FAM20A: variants seen among roughly 807,000 people sequenced by gnomAD.
The protein encoded by FAM20A is pseudokinase FAM20A.
A neutral mutation model predicts 52.0 loss-of-function variants in FAM20A; 42 were observed. The ratio of observed to expected loss-of-function variants is 0.81; its 90% CI spans 0.63 to 1.04. The LOEUF (loss-of-function observed/expected upper bound fraction) is 1.04. Among genes scored for constraint, FAM20A ranks in the 50% least tolerant of loss-of-function variants. FAM20A has a pLI of 0.00. For synonymous variants in FAM20A, 304 were observed against 298.9 expected, an observed-to-expected ratio of 1.02 and a Z score of -0.18; for missense variants, 742 against 712.7, an observed-to-expected ratio of 1.04 and a Z score of -0.47.
At chr17:68,539,523 G>A in intron 9 of FAM20A, 127 bp from the exon 10 acceptor site, 1 of 808,038 alleles carries the variant, frequency 1.2e-6, no homozygotes, top group South Asian at 1.4e-5. Context: ...CATGGCAGCT[G>A]CCTCTCCAGC....
intron 1 of FAM20A, among the ~76,000 whole-genome samples, chr17:68,560,220 C>G (rs1598034344): frequency 6.6e-6 from 1 of 152,246 alleles, no homozygotes. Flanking sequence ...TGACATGCAC[C>G]TGCAGTCCCA....
chr17:68,599,877 C>G (rs1004175291), intron 1 of FAM20A, among the ~76,000 whole-genome samples: 1 of 152,146 alleles, frequency 6.6e-6, no homozygotes, highest in Non-Finnish European at 1.5e-5. Context: ...TTCTGGAAAC[C>G]CGAAGTCCAG....
At chr17:68,562,621 T>A (rs538135894) in intron 1 of FAM20A, among the ~76,000 whole-genome samples, 1 of 136,496 alleles carries the variant, frequency 7.3e-6, no homozygotes, top group Non-Finnish European at 1.5e-5. Context: ...TCCCCCCCCC[T>A]TTTTATTTTA....
intron 1 of FAM20A, among the ~76,000 whole-genome samples, chr17:68,595,125 AG>A (rs2088417785): frequency 6.6e-6 from 1 of 152,260 alleles, no homozygotes; most frequent in African/African-American, 2.4e-5. Context: ...TTTAGGTAGG[AG>A]CATTTGCATG....
intron 1 of FAM20A, among the ~76,000 whole-genome samples, chr17:68,591,559 TATA>T (rs2088309035): frequency 6.6e-6 from 1 of 152,214 alleles, no homozygotes; most frequent in Non-Finnish European, 1.5e-5. Context: ...ACTTAAAAAA[TATA>T]ATGACTTATT....
Position 68,537,544 on chromosome 17 carries a change from C to T in FAM20A, c.1559G>A (p.Ser520Asn). Residue 520 changes from serine to asparagine, a missense_variant, in exon 11 of 11, where the codon AGT becomes AAT. Coordinates refer to ENST00000592554, the MANE Select transcript of FAM20A (RefSeq NM_017565.4). This position sits in a 1 kb window ranked among gnomAD's most constrained non-coding sequence, Gnocchi z 4.2. ...TTCCACTGGGCCGTCGACTATGACA[C>T]TCTGCTGTCCATGGGCCACTATGCA... ...EGCIVAHGQQ[S>N]VIVDGPVEQL... is the part of the protein sequence containing the mutation. 6.2e-7 allele frequency: 1 copy of T among 1,613,710 alleles called. No individual in the cohort carries two copies. The highest frequency in any genetic ancestry group is 8.5e-7 in the Non-Finnish European group (1 of 1,179,794).
chr17:68,564,761 C>T (rs928031180), intron 1 of FAM20A, among the ~76,000 whole-genome samples: 5 of 152,094 alleles, frequency 3.3e-5, no homozygotes, highest in African/African-American at 4.8e-5. Context: ...GTGGCCTAAA[C>T]GGGAGCCTGG....
chr17:68,537,848 C>G lies in FAM20A; in HGVS notation c.1362-107G>C. On this transcript the variant is annotated intron_variant, in intron 10 of 10. Coordinates refer to ENST00000592554, the MANE Select transcript of FAM20A (RefSeq NM_017565.4). This position sits in a 1 kb window ranked among gnomAD's most constrained non-coding sequence, Gnocchi z 4.2. ...GTTGTAGCTGATACTCTTGGCGCCT[C>G]TCCTTGTGTCTTCTCAGGCACATTT... The G allele has an allele frequency of 1.6e-6, 2 of 1,238,148 alleles. No individual in the cohort carries two copies. The highest frequency in any genetic ancestry group is 1.3e-5 in the South Asian group (1 of 77,064). 76.7% of individuals were successfully genotyped at this position (1,238,148 alleles called of 1,614,324 possible). A position where few individuals can be genotyped will look rare whatever the true frequency, so the allele number is the denominator to read the frequency against.
chr17:68,588,996 C>T (rs1181056181), intron 1 of FAM20A, among the ~76,000 whole-genome samples: 3 of 152,178 alleles, frequency 2.0e-5, no homozygotes, highest in African/African-American at 7.2e-5. Flanking sequence ...GTTGTGTAGA[C>T]CACTTTCTCT....
Position 68,600,600 on chromosome 17 carries a change from G to C in FAM20A, c.67C>G (p.Leu23Val). Residue 23 changes from leucine to valine, a missense_variant, in exon 1 of 11, where the codon CTC becomes GTC. Coordinates refer to ENST00000592554, the MANE Select transcript of FAM20A (RefSeq NM_017565.4). The surrounding 1 kb of genome is among the most constrained non-coding windows in gnomAD (Gnocchi z 6.2). ...LLLGALLSAD[L>V]YFHLWPQVQR... ...ACTTGGGGCCAGAGGTGGAAGTAGA[G>C]GTCGGCGGAGAGCAGCGCGCCCAGC... 1.3e-6 allele frequency: 2 copies of C among 1,563,580 alleles called. No individual in the cohort carries two copies. The highest frequency in any genetic ancestry group is 2.7e-5 in the African/African-American group (2 of 74,176).
chr17:68,546,774 G>C (rs1177958400), intron 4 of FAM20A, among the ~76,000 whole-genome samples: 1 of 148,462 alleles, frequency 6.7e-6, no homozygotes, highest in African/African-American at 2.5e-5. Context: ...AGCTTGCAGT[G>C]AGCTGAGATT....
chr17:68,555,862 A>T, intron 1 of FAM20A, 119 bp from the exon 2 acceptor site: 1 of 1,188,648 alleles, frequency 8.4e-7, no homozygotes, highest in Non-Finnish European at 1.2e-6. Context: ...TAAGCATCTA[A>T]TGAGGGCTAG....
Position 68,600,216 on chromosome 17 carries a change from C to T in FAM20A, c.404+47G>A, listed in dbSNP as rs979300695. ...AACTCGAGACTGGGGCGCGGGGAGGCCCCGGCCAGAGCGCCCGCTCTCCCG... is the reference window on the plus strand; with the variant it reads ...AACTCGAGACTGGGGCGCGGGGAGGTCCCGGCCAGAGCGCCCGCTCTCCCG... On this transcript the variant is annotated intron_variant, in intron 1 of 10. Transcript: ENST00000592554. This position sits in a 1 kb window ranked among gnomAD's most constrained non-coding sequence, Gnocchi z 6.2. 6.5e-7 allele frequency: 1 copy of T among 1,542,428 alleles called. No homozygotes were observed.
chr17:68,557,071 A>G (rs562447344), intron 1 of FAM20A, among the ~76,000 whole-genome samples: 1 of 152,146 alleles, frequency 6.6e-6, no homozygotes, highest in East Asian at 1.9e-4. Context: ...ATGATGGTGC[A>G]CACCTGTAAT....
At chr17:68,555,778 A>C (rs2087035100) in intron 1 of FAM20A, 35 bp from the exon 2 acceptor site, 1 of 1,610,478 alleles carries the variant, frequency 6.2e-7, no homozygotes, top group African/African-American at 1.3e-5. Context: ...TTAGAGGAAC[A>C]AGAATGCAAA....
intron 1 of FAM20A, among the ~76,000 whole-genome samples, chr17:68,575,863 C>T (rs1246258106): frequency 3.5e-5 from 5 of 142,836 alleles, no homozygotes; most frequent in South Asian, 4.4e-4. Context: ...CAGCTGCCAC[C>T]GGGCAGGGCG....
At chr17:68,545,792 G>A (rs1236027574) in intron 4 of FAM20A, among the ~76,000 whole-genome samples, 1 of 152,116 alleles carries the variant, frequency 6.6e-6, no homozygotes, top group African/African-American at 2.4e-5. Context: ...AATCCTCTGT[G>A]GCCATCTCAA....
intron 5 of FAM20A, 104 bp from the exon 6 acceptor site, chr17:68,542,913 A>T: frequency 3.4e-6 from 3 of 885,746 alleles, no homozygotes; most frequent in Non-Finnish European, 5.6e-6. Flanking sequence ...TGGTGTACCC[A>T]GGAGGGTGGC....
chr17:68,539,298 C>G, intron 10 of FAM20A, 39 bp downstream of exon 10: 1 of 1,609,358 alleles, frequency 6.2e-7, no homozygotes, highest in African/African-American at 1.3e-5. Context: ...AGGGTCACAA[C>G]TGTTACTTGC....
Sources: gnomAD v4.1 joint callset for allele counts (sites outside exome capture counted in the v4.1 genomes callset) on GRCh38, gnomAD v4.1.1 for gene constraint, Gnocchi (gnomAD v3.1) non-coding constraint, MANE v1.5 for transcripts, NCBI Gene and HGNC (gene_info 2026-07-23, HGNC 2026-07-21) for gene names.